FRMD3: variants seen among roughly 807,000 people sequenced by gnomAD.
The protein encoded by FRMD3 is FERM domain-containing protein 3.
FRMD3 carries 33 observed loss-of-function variants against 70.2 expected under a neutral mutation model. The ratio of observed to expected loss-of-function variants is 0.47; its 90% CI spans 0.36 to 0.63. The LOEUF (loss-of-function observed/expected upper bound fraction) is 0.63. Ranked by LOEUF, FRMD3 falls within the 20% of genes least tolerant of loss-of-function variation. The probability of loss-of-function intolerance (pLI) is 0.00; values close to 1 mark genes in which losing one functional copy is unlikely to be tolerated. For synonymous variants in FRMD3, 279 were observed against 255.9 expected (o/e 1.09, Z -0.86); for missense variants, 632 against 711.4 (o/e 0.89, Z 1.27).
chr9:83,391,031 G>C (rs1009145659), intron 1 of FRMD3, among the ~76,000 whole-genome samples: 1 of 152,172 alleles, frequency 6.6e-6, no homozygotes, highest in Non-Finnish European at 1.5e-5. Flanking sequence ...ATGCAAGCGT[G>C]GCTGAAACAG....
Position 83,518,748 on chromosome 9 carries a change from C to T in FRMD3, c.147+19337G>A, listed in dbSNP as rs1416417615. On this transcript the variant is annotated intron_variant, in intron 1 of 13. Coordinates refer to ENST00000304195, the MANE Select transcript of FRMD3 (RefSeq NM_174938.6). ...GCTACCTGACTTCAAACTATACTAC[C>T]AGCCTACAGTAACCAAAACAGCATG... 2.0e-5 allele frequency among the ~76,000 whole-genome samples: 3 copies of T among 152,016 alleles called. No homozygotes were observed. In the East Asian group the frequency reaches 5.8e-4, roughly 29 times the overall value.
chr9:83,527,971 G>C (rs1829719468), intron 1 of FRMD3, among the ~76,000 whole-genome samples: 1 of 152,136 alleles, frequency 6.6e-6, no homozygotes, highest in African/African-American at 2.4e-5. Flanking sequence ...GTGAATCTCA[G>C]ATTCTTATGC....
chr9:83,489,925 G>T (rs759823878), intron 1 of FRMD3, among the ~76,000 whole-genome samples: 4 of 152,138 alleles, frequency 2.6e-5, no homozygotes, highest in African/African-American at 4.8e-5. Context: ...CACTCAGTAG[G>T]CCAGGTCACT....
At chr9:83,507,366 CAA>C (rs61570991) in intron 1 of FRMD3, among the ~76,000 whole-genome samples, 2 of 46,766 alleles carry the variant, frequency 4.3e-5, no homozygotes, top group Non-Finnish European at 3.6e-5. Context: ...GACTCCGTCT[CAA>C]AAAAAAAAAA....
chr9:83,253,425 A>T (rs1832521337), intron 13 of FRMD3, among the ~76,000 whole-genome samples: 1 of 152,130 alleles, frequency 6.6e-6, no homozygotes, highest in Non-Finnish European at 1.5e-5. Context: ...GATCTCAAAA[A>T]CAAACAACCC....
chr9:83,274,058 G>C (rs1046049502), intron 13 of FRMD3, among the ~76,000 whole-genome samples: 4 of 152,084 alleles, frequency 2.6e-5, no homozygotes, highest in African/African-American at 9.7e-5. Flanking sequence ...TAGCCTCAGG[G>C]ATCTTCCCAC....
At position 83,248,074 on chromosome 9, in the gene FRMD3, G is replaced by C; in HGVS notation, c.1638C>G (p.Leu546=). Residue 546 remains leucine, a synonymous_variant, in exon 14 of 14, where the codon CTC becomes CTG. Coordinates refer to ENST00000304195, the MANE Select transcript of FRMD3 (RefSeq NM_174938.6). ...LGLLLFVFPL[L]LLLLESGIDL... ...CAATACCTGACTCCAAAAGGAGGAG[G>C]AGCAGGGGAAATACAAAGAGCAGCA... 1 of 1,614,152 alleles carries C rather than the reference G, an allele frequency of 6.2e-7. No homozygotes were observed. Among genetic ancestry groups the C allele is most frequent in the Non-Finnish European group, 8.5e-7 (1 of 1,180,034 alleles).
intron 1 of FRMD3, among the ~76,000 whole-genome samples, chr9:83,445,256 C>T (rs915804008): frequency 2.0e-5 from 3 of 152,042 alleles, no homozygotes; most frequent in Non-Finnish European, 4.4e-5. Flanking sequence ...GGTGCTTGAA[C>T]CCAGGAGGCG....
In FRMD3 at chr9:83,246,052, C is replaced by T. The variant is rs1311123577; in HGVS notation, c.*1866G>A. 1 of 985,242 alleles carries T rather than the reference C, an allele frequency of 1.0e-6. No individual in the cohort carries two copies. Among genetic ancestry groups the T allele is most frequent in the Admixed American group, 6.2e-5 (1 of 16,254 alleles). The allele number at this position is 985,242 out of a possible 1,614,324, so 61.0% of individuals were successfully genotyped here. A position where few individuals can be genotyped will look rare whatever the true frequency, so the allele number is the denominator to read the frequency against. On this transcript the variant is annotated 3_prime_UTR_variant, in exon 14 of 14. Coordinates refer to ENST00000304195, the MANE Select transcript of FRMD3 (RefSeq NM_174938.6). ...ATATAGTCATTTGCTCGACTGCAGG[C>T]TTCACGAACTGAGTTTCAAAACTCA...
At chr9:83,287,667 C>G (rs1321398629) in intron 13 of FRMD3, among the ~76,000 whole-genome samples, 2 of 152,216 alleles carry the variant, frequency 1.3e-5, no homozygotes, top group Non-Finnish European at 2.9e-5. Flanking sequence ...CACTCCGTTA[C>G]CAACTCTTCC....
Position 83,344,684 on chromosome 9 carries a change from C to A in FRMD3, c.375-1397G>T, listed in dbSNP as rs577431787. Among the ~76,000 whole-genome samples, 86 of 152,300 alleles carry A rather than the reference C, an allele frequency of 5.6e-4. 1 individual carries two copies. The highest frequency in any genetic ancestry group is 4.1e-3 in the Admixed American group (63 of 15,296). ...ACTCTCTGGTTCTCAGGCCTTTGAA[C>A]TACACCACTGGCTTTCCTGGGTCTC... On this transcript the variant is annotated intron_variant, in intron 4 of 13. Coordinates refer to ENST00000304195, the MANE Select transcript of FRMD3 (RefSeq NM_174938.6).
intron 6 of FRMD3, among the ~76,000 whole-genome samples, chr9:83,318,996 G>GT (rs1176257621): frequency 2.0e-5 from 3 of 151,408 alleles, no homozygotes; most frequent in Non-Finnish European, 2.9e-5. Context: ...AAGGGGGGTT[G>GT]TTTTTTTTCT....
chr9:83,484,600 T>G (rs1054361360), intron 1 of FRMD3, among the ~76,000 whole-genome samples: 1 of 152,148 alleles, frequency 6.6e-6, no homozygotes. Context: ...TTATTTTTAG[T>G]AGAGACAGGG....
chr9:83,459,486 G>A (rs1279927094), intron 1 of FRMD3, among the ~76,000 whole-genome samples: 1 of 152,230 alleles, frequency 6.6e-6, no homozygotes, highest in Non-Finnish European at 1.5e-5. Flanking sequence ...GTACCTCGCA[G>A]CCTCGGTTCT....
rs898363493 is a variant in FRMD3, at chr9:83,428,012, A to G, written c.148-38304T>C. 3.9e-5 allele frequency among the ~76,000 whole-genome samples: 6 copies of G among 152,334 alleles called. No homozygotes were observed. The East Asian group carries it at 5.8e-4, about 15-fold the overall frequency. On this transcript the variant is annotated intron_variant, in intron 1 of 13. Transcript: ENST00000304195. The stretch of plus-strand genomic sequence containing the variant: ...CATTACCTAGCAGAGGTGATGATGT[A>G]CATAGTAAGTACTTCTGCTTCTAGA...
chr9:83,561,118 C>G, the FRMD3 span, among the ~76,000 whole-genome samples: 2 of 152,200 alleles, frequency 1.3e-5, no homozygotes, highest in Admixed American at 1.3e-4. Context: ...ATGACTCCCC[C>G]TGCCCAGTGA....
At chr9:83,303,866 T>C (rs1163416218) in intron 10 of FRMD3, among the ~76,000 whole-genome samples, 1 of 152,218 alleles carries the variant, frequency 6.6e-6, no homozygotes, top group South Asian at 2.1e-4. Flanking sequence ...CACCTGTCAC[T>C]GCAATGGGTA....
rs146501945 is a variant in FRMD3 at position 83,536,441 on chromosome 9, C to T, written c.147+1644G>A. 2.7e-3 allele frequency among the ~76,000 whole-genome samples: 404 copies of T among 152,144 alleles called. 4 individuals carry two copies. The highest frequency in any genetic ancestry group is 9.0e-3 in the African/African-American group (375 of 41,484). On this transcript the variant is annotated intron_variant, in intron 1 of 13. Transcript: ENST00000304195. ...CAACAGCCTCTCTCCCTGACGGCCC[C>T]TCCATCATCTACACATTCATTATGG...
rs112797495 is a variant in FRMD3, at chr9:83,423,501, G to C, written c.148-33793C>G. Among the ~76,000 whole-genome samples, 675 of 149,734 alleles carry C rather than the reference G, an allele frequency of 4.5e-3. 3 individuals are homozygous for C. The highest frequency in any genetic ancestry group is 0.016 in the African/African-American group (639 of 40,612). Reference sequence around the variant, plus strand: ...GCCTCCTAGAGTCTCATATGGTGCTGCCCCAATTTGGTAGCCACGAACCAC... The same window carrying C: ...GCCTCCTAGAGTCTCATATGGTGCTCCCCCAATTTGGTAGCCACGAACCAC... On this transcript the variant is annotated intron_variant, in intron 1 of 13. Transcript: ENST00000304195.
Sources: gnomAD v4.1 joint callset for allele counts (sites outside exome capture counted in the v4.1 genomes callset) on GRCh38, gnomAD v4.1.1 for gene constraint, MANE v1.5 for transcripts, NCBI Gene and HGNC (gene_info 2026-07-23, HGNC 2026-07-21) for gene names.